Variants in PGR observed in about 807,000 individuals in gnomAD.
PGR encodes the protein progesterone receptor, also known as nuclear receptor subfamily 3 group C member 3.
PGR carries 25 observed loss-of-function variants against 76.1 expected under a neutral mutation model. The ratio of observed to expected loss-of-function variants is 0.33; its 90% CI spans 0.24 to 0.46. The LOEUF is 0.46. Ranked by LOEUF, PGR falls within the 20% of genes least tolerant of loss-of-function variation. The pLI is 1.00. For missense variants in PGR, 1,172 were observed against 1,225.3 expected (o/e 0.96, Z 0.65); for synonymous variants, 579 against 535.0 (o/e 1.08, Z -1.14).
At chr11:101,069,251 ATG>A (rs1565342601) in intron 3 of PGR, among the ~76,000 whole-genome samples, 1 of 152,070 alleles carries the variant, frequency 6.6e-6, no homozygotes, top group Non-Finnish European at 1.5e-5. Context: ...GCCAAAAAAC[ATG>A]GAAAAAAGCT....
intron 2 of PGR, among the ~76,000 whole-genome samples, chr11:101,116,160 G>C (rs1407742734): frequency 6.6e-6 from 1 of 152,202 alleles, no homozygotes; most frequent in Non-Finnish European, 1.5e-5. Context: ...TTGAGATTGT[G>C]TGTGAGGAAT....
intron 2 of PGR, among the ~76,000 whole-genome samples, chr11:101,120,145 C>T (rs1031892273): frequency 5.3e-5 from 8 of 152,210 alleles, no homozygotes; most frequent in African/African-American, 1.4e-4. Flanking sequence ...GTGTTGGCCA[C>T]GGCTCTGGCA....
intron 2 of PGR, among the ~76,000 whole-genome samples, chr11:101,094,485 T>C (rs1861772671): frequency 6.6e-6 from 1 of 152,190 alleles, no homozygotes; most frequent in African/African-American, 2.4e-5. Context: ...CAACTCCTCT[T>C]ACTTTGCTTA....
chr11:101,042,193 C>T, intron 6 of PGR, 91 bp from the exon 7 acceptor site: 1 of 1,322,016 alleles, frequency 7.6e-7, no homozygotes, highest in Non-Finnish European at 1.1e-6. Context: ...ATAATGATTT[C>T]TTCTGATACA....
At chr11:101,080,920 A>G (rs1189025958) in intron 3 of PGR, among the ~76,000 whole-genome samples, 1 of 152,186 alleles carries the variant, frequency 6.6e-6, no homozygotes, top group Non-Finnish European at 1.5e-5. Context: ...ACCCAATCTG[A>G]TAAAAATAAA....
intron 4 of PGR, among the ~76,000 whole-genome samples, chr11:101,056,623 G>C (rs1860302912): frequency 7.3e-6 from 1 of 137,704 alleles, no homozygotes; most frequent in African/African-American, 2.7e-5. Flanking sequence ...CTGGGTGACA[G>C]AGTGAGAGCC....
intron 7 of PGR, among the ~76,000 whole-genome samples, chr11:101,039,875 T>C (rs551389656): frequency 1.3e-5 from 2 of 152,142 alleles, no homozygotes; most frequent in African/African-American, 4.8e-5. Context: ...CAACTTTTTG[T>C]AGCCTGTGTC....
At chr11:101,055,140 C>G (rs757721604) in intron 4 of PGR, among the ~76,000 whole-genome samples, 1 of 151,734 alleles carries the variant, frequency 6.6e-6, no homozygotes, top group Non-Finnish European at 1.5e-5. Flanking sequence ...ATGGGCTGGG[C>G]GCAGTGGCTC....
chr11:101,109,019 T>G (rs928391497), intron 2 of PGR, among the ~76,000 whole-genome samples: 9 of 152,206 alleles, frequency 5.9e-5, no homozygotes, highest in Non-Finnish European at 1.3e-4. Context: ...AGATCTTTGA[T>G]GTTATTACTG....
intron 3 of PGR, among the ~76,000 whole-genome samples, chr11:101,085,661 TA>T (rs1861475007): frequency 6.6e-6 from 1 of 151,754 alleles, no homozygotes; most frequent in Admixed American, 6.6e-5. Context: ...AACCAAAAGT[TA>T]TTTTTTTAAA....
intron 7 of PGR, among the ~76,000 whole-genome samples, chr11:101,039,758 T>G (rs902845162): frequency 1.3e-5 from 2 of 152,002 alleles, no homozygotes; most frequent in South Asian, 4.1e-4. Flanking sequence ...TAGTACCACA[T>G]GATTATAAAA....
chr11:101,120,038 A>G (rs1306207466), intron 2 of PGR, among the ~76,000 whole-genome samples: 1 of 152,226 alleles, frequency 6.6e-6, no homozygotes, highest in Admixed American at 6.5e-5. Flanking sequence ...AGGCGACTTA[A>G]GTGACTATTA....
Position 101,032,499 on chromosome 11 carries a change from C to G in PGR, c.*6617G>C, listed in dbSNP as rs886986160. 2 of 232,840 alleles carry G rather than the reference C, an allele frequency of 8.6e-6. No individual in the cohort carries two copies. The highest frequency in any genetic ancestry group is 2.2e-5 in the African/African-American group (1 of 45,324). 14.4% of individuals were successfully genotyped at this position (232,840 alleles called of 1,614,324 possible). On this transcript the variant is annotated 3_prime_UTR_variant, in exon 8 of 8. Coordinates refer to ENST00000325455, the MANE Select transcript of PGR (RefSeq NM_000926.4). ...TCAGTCTCATCATCCATCCCCACCC[C>G]ACATTCTCTCTCCCCATCAGGTTTG... is the stretch of plus-strand genomic sequence containing the variant.
Position 101,035,222 on chromosome 11 carries a change from T to TAGA in PGR, c.*3893_*3894insTCT, listed in dbSNP as rs1859468233. On this transcript the variant is annotated 3_prime_UTR_variant, in exon 8 of 8. Transcript: ENST00000325455. ...TGAGCTATTGAATACAAAAATAGAG[T>TAGA]ATCTTTAAATTTGAAAAAAAATGTA... is the stretch of plus-strand genomic sequence containing the variant. 9.0e-6 allele frequency: 2 copies of TAGA among 221,242 alleles called. No individual in the cohort carries two copies. The highest frequency in any genetic ancestry group is 1.8e-5 in the Non-Finnish European group (2 of 110,660). The allele number at this position is 221,242 out of a possible 1,614,324, so 13.7% of individuals were successfully genotyped here.
intron 7 of PGR, chr11:101,041,620 C>T: frequency 4.1e-6 from 1 of 245,006 alleles, no homozygotes. Flanking sequence ...CACATACATA[C>T]CTTTGTTTTT....
At chr11:101,042,150 AT>A in intron 6 of PGR, 48 bp from the exon 7 acceptor site, 1 of 1,578,124 alleles carries the variant, frequency 6.3e-7, no homozygotes. Flanking sequence ...AAAAGATGAC[AT>A]TAACAATTTA....
intron 4 of PGR, among the ~76,000 whole-genome samples, chr11:101,055,233 T>C (rs2135400141): frequency 6.6e-6 from 1 of 151,912 alleles, no homozygotes; most frequent in African/African-American, 2.4e-5. Context: ...GCCAGCATGG[T>C]AAAACCCTGT....
intron 7 of PGR, among the ~76,000 whole-genome samples, chr11:101,040,690 C>T (rs1421012974): frequency 6.6e-6 from 1 of 151,992 alleles, no homozygotes; most frequent in Non-Finnish European, 1.5e-5. Context: ...ATATTCTCTT[C>T]ATTTCTGGCC....
Position 101,106,627 on chromosome 11 carries a change from T to C in PGR, c.1790-14751A>G, listed in dbSNP as rs181696374. 1.6e-3 allele frequency among the ~76,000 whole-genome samples: 246 copies of C among 152,260 alleles called. 4 individuals are homozygous for C. In the South Asian group the frequency reaches 0.021, roughly 13 times the overall value. On this transcript the variant is annotated intron_variant, in intron 2 of 7. Transcript: ENST00000325455. ...TTTACACTGTTGGTGGGAGTGTAAA[T>C]TAGTTCAACCATTGTGGAAGACAGT...
Sources: allele counts gnomAD v4.1 joint callset (sites outside exome capture counted in the v4.1 genomes callset), GRCh38; gene constraint gnomAD v4.1.1; transcripts MANE v1.5; gene names NCBI Gene and HGNC (gene_info 2026-07-23, HGNC 2026-07-21).